Variants in KMT2D observed in about 807,000 individuals in gnomAD.
The protein encoded by KMT2D is lysine methyltransferase 2D, also known as histone-lysine N-methyltransferase 2D.
A neutral mutation model predicts 512.7 loss-of-function variants in KMT2D; 55 were observed. That is an observed-to-expected ratio of 0.11 (90% CI 0.09 to 0.13). KMT2D has a LOEUF of 0.13. Among genes scored for constraint, KMT2D ranks in the 10% least tolerant of loss-of-function variants. KMT2D has a pLI of 1.00. For synonymous variants in KMT2D, 2,995 were observed against 2,904.0 expected (o/e 1.03, Z -1.01); for missense variants, 6,061 against 7,127.9 (o/e 0.85, Z 5.39).
Position 49,039,068 on chromosome 12 carries a change from G to C in KMT2D, c.8367-79C>G, listed in dbSNP as rs1943362597. 1.3e-6 allele frequency: 2 copies of C among 1,519,968 alleles called. No individual in the cohort carries two copies. Among genetic ancestry groups the C allele is most frequent in the East Asian group, 4.6e-5 (2 of 43,048 alleles). 94.2% of individuals were successfully genotyped at this position (1,519,968 alleles called of 1,614,324 possible). ...ACATGGGCTTAGGGCAGTGAGGAAG[G>C]ATAGAATTAATGCAGTGAGGGAGAA... On this transcript the variant is annotated intron_variant, in intron 34 of 54. Coordinates refer to ENST00000301067, the MANE Select transcript of KMT2D (RefSeq NM_003482.4). The surrounding 1 kb of genome is among the most constrained non-coding windows in gnomAD (Gnocchi z 5.0).
In KMT2D at chr12:49,041,133, C is replaced by G. The variant is rs1943502957; in HGVS notation, c.6637G>C (p.Gly2213Arg). Residue 2213 changes from glycine (G) to arginine (R), a missense_variant, in exon 32 of 55, where the codon GGC becomes CGC. Physicochemically the swap from Gly to Arg is moderately radical, Grantham distance 125 (BLOSUM62 -2). This residue lies in a region of KMT2D where 710 missense variants were observed against 647.3 expected (regional missense o/e 1.10). Transcript: ENST00000301067. This position sits in a 1 kb window ranked among gnomAD's most constrained non-coding sequence, Gnocchi z 5.4. ...TGAPAQPPML[G>R]ASSRPGAGQP... ...CCAGCCCCAGGACGAGATGAGGCGC[C>G]CAGCATCGGGGGCTGCGCAGGGGCC... 6.5e-7 allele frequency: 1 copy of G among 1,527,014 alleles called. No individual in the cohort carries two copies. The highest frequency in any genetic ancestry group is 8.8e-7 in the Non-Finnish European group (1 of 1,141,202). 94.6% of individuals were successfully genotyped at this position (1,527,014 alleles called of 1,614,324 possible). A position where few individuals can be genotyped will look rare whatever the true frequency, so the allele number is the denominator to read the frequency against.
rs1317036103 is a variant in KMT2D, at chr12:49,044,502, A to C, written c.4984T>G (p.Cys1662Gly). The C allele has an allele frequency of 6.2e-7, 1 of 1,613,532 alleles. No individual in the cohort carries two copies. The highest frequency in any genetic ancestry group is 2.2e-5 in the East Asian group (1 of 44,856). Residue 1662 changes from cysteine (C) to glycine (G), a missense_variant, in exon 21 of 55, where the codon TGC (cysteine) becomes GGC (glycine). Coordinates refer to ENST00000301067, the MANE Select transcript of KMT2D (RefSeq NM_003482.4). The surrounding 1 kb of genome is among the most constrained non-coding windows in gnomAD (Gnocchi z 6.4). ...ACGGGGCCCTCCAGTTTAATTTCGC[A>C]CTCCATGTGCTCCACACCACCTGCG... is the stretch of plus-strand genomic sequence containing the variant. ...KGEGGVEHME[C>G]EIKLEGPVSP...
In KMT2D at chr12:49,052,674, T is replaced by G; in HGVS notation, c.1148A>C (p.Asp383Ala). 1 of 1,613,708 alleles carries G rather than the reference T, an allele frequency of 6.2e-7. No homozygotes were observed. The highest frequency in any genetic ancestry group is 8.5e-7 in the Non-Finnish European group (1 of 1,179,732). Residue 383 changes from aspartate to alanine, a missense_variant, in exon 10 of 55, where the codon GAC (aspartate) becomes GCC (alanine). Physicochemically the swap from Asp to Ala is moderately radical, Grantham distance 126. This residue lies in a region of KMT2D where 848 missense variants were observed against 838.5 expected (regional missense o/e 1.01). Coordinates refer to ENST00000301067, the MANE Select transcript of KMT2D (RefSeq NM_003482.4). ...SPPEPGDTPTDEPDALYVACQ... is the reference protein window; with the variant it reads ...SPPEPGDTPTAEPDALYVACQ... Reference sequence around the variant, plus strand: ...TGCAACGTACAGAGCATCGGGCTCGTCAGTGGGGGTATCGCCAGGCTCTGG... The same window carrying G: ...TGCAACGTACAGAGCATCGGGCTCGGCAGTGGGGGTATCGCCAGGCTCTGG...
Position 49,032,671 on chromosome 12 carries a change from G to A in KMT2D, c.12034C>T (p.Pro4012Ser). The change falls in exon 40 of 55, where the codon CCT (proline) becomes TCT (serine). Residue 4012 changes from proline (P) to serine (S), a missense_variant. Pro to Ser is a moderately conservative substitution (Grantham distance 74). This residue lies in a region of KMT2D where 1,600 missense variants were observed against 1,754.9 expected (regional missense o/e 0.91). Coordinates refer to ENST00000301067, the MANE Select transcript of KMT2D (RefSeq NM_003482.4). ...PAKPLQHFSS[P>S]GALGPTLLLT... ...AGGAGGGTTGGACCCAGGGCTCCAGGGCTAGAAAAGTGTTGAAGAGGCTTT... is the reference window on the plus strand; with the variant it reads ...AGGAGGGTTGGACCCAGGGCTCCAGAGCTAGAAAAGTGTTGAAGAGGCTTT... 1 of 1,613,876 alleles carries A rather than the reference G, an allele frequency of 6.2e-7. No individual in the cohort carries two copies. The highest frequency in any genetic ancestry group is 8.5e-7 in the Non-Finnish European group (1 of 1,179,856).
At position 49,041,207 on chromosome 12, in the gene KMT2D, C is replaced by T. The variant is rs541122919; in HGVS notation, c.6563G>A (p.Arg2188His). 4.8e-5 allele frequency: 73 copies of T among 1,512,002 alleles called. No homozygotes were observed. Among genetic ancestry groups the T allele is most frequent in the Middle Eastern group, 1.8e-4 (1 of 5,576 alleles). The allele number at this position is 1,512,002 out of a possible 1,614,324, so 93.7% of individuals were successfully genotyped here. A position where few individuals can be genotyped will look rare whatever the true frequency, so the allele number is the denominator to read the frequency against. Residue 2188 changes from arginine to histidine, a missense_variant, in exon 32 of 55, where the codon CGC becomes CAC. Physicochemically the swap from Arg to His is conservative, Grantham distance 29 (BLOSUM62 0). Transcript: ENST00000301067. The surrounding 1 kb of genome is among the most constrained non-coding windows in gnomAD (Gnocchi z 5.4). ...ATAGGTGGGCGGTGCCGTGGGGAAG[C>T]GGGGCTCCAGGGGATAGGCAGGGGC... ...GLAPAYPLEP[R>H]FPTAPPTYPP...
chr12:49,036,682 T>C (rs1038540253), intron 35 of KMT2D, among the ~76,000 whole-genome samples: 13 of 152,004 alleles, frequency 8.6e-5, no homozygotes, highest in Non-Finnish European at 1.6e-4. Context: ...GTATGTTTAG[T>C]AGAGATGGGG....
At position 49,027,072 on chromosome 12, in the gene KMT2D, G is replaced by A. The variant is rs747276260; in HGVS notation, c.14894C>T (p.Ala4965Val). The A allele has an allele frequency of 6.2e-7, 1 of 1,613,540 alleles. No homozygotes were observed. The highest frequency in any genetic ancestry group is 1.1e-5 in the South Asian group (1 of 91,080). Residue 4965 changes from alanine (A) to valine (V), a missense_variant, in exon 49 of 55, where the codon GCC becomes GTC. By Grantham distance (64) the Ala-to-Val change is moderately conservative (BLOSUM62 0). Coordinates refer to ENST00000301067, the MANE Select transcript of KMT2D (RefSeq NM_003482.4). The stretch of plus-strand genomic sequence containing the variant: ...ATCTTCACCTTCTTCAGGGGGCCGG[G>A]CACGGGGCTTGGGTCGGGCTGATTC... ...SPESARPKPR[A>V]RPPEEGEDSR...
chr12:49,026,501 G>A lies in KMT2D; in HGVS notation c.15465C>T (p.Val5155=), dbSNP rs1412025759. The change falls in exon 49 of 55, where the codon GTC becomes GTT. Residue 5155 remains valine (V), a synonymous_variant. Coordinates refer to ENST00000301067, the MANE Select transcript of KMT2D (RefSeq NM_003482.4). The surrounding 1 kb of genome is among the most constrained non-coding windows in gnomAD (Gnocchi z 9.6). ...GCTTCACCTCGTCCCGCTCAATGTA[G>A]ACCCGCCGGAAGACAGCAAAAGAGC... ...ELSSFAVFRR[V]YIERDEVKQI... The A allele has an allele frequency of 6.2e-7, 1 of 1,613,794 alleles. No individual in the cohort carries two copies. Among genetic ancestry groups the A allele is most frequent in the Non-Finnish European group, 8.5e-7 (1 of 1,179,908 alleles).
In KMT2D at chr12:49,032,978, T is replaced by C. The variant is rs1372460714; in HGVS notation, c.11727A>G (p.Gln3909=). The part of the protein sequence containing the change: ...QLQQQQQLQQ[Q]QQLQQQQQQQ... ...GCTGCTGCTGCTGCTGAAGTTGCTG[T>C]TGCTGTTGCAGCTGCTGCTGCTGCT... Residue 3909 remains glutamine, a synonymous_variant, in exon 40 of 55, where the codon CAA becomes CAG. Transcript: ENST00000301067. The C allele has an allele frequency of 7.1e-6, 11 of 1,550,506 alleles. No homozygotes were observed. Among genetic ancestry groups the C allele is most frequent in the African/African-American group, 2.7e-5 (2 of 72,850 alleles).
At position 49,052,721 on chromosome 12, in the gene KMT2D, A is replaced by G; in HGVS notation, c.1113-12T>C. The G allele has an allele frequency of 6.2e-7, 1 of 1,611,904 alleles. No homozygotes were observed. Among genetic ancestry groups the G allele is most frequent in the Non-Finnish European group, 8.5e-7 (1 of 1,178,282 alleles). ...CTGGGGGTGAAAATCTGCAGAGGGTACAGGGGAGCAGGCACTGTGGCTCTC... is the reference window on the plus strand; with the variant it reads ...CTGGGGGTGAAAATCTGCAGAGGGTGCAGGGGAGCAGGCACTGTGGCTCTC... On this transcript the variant is annotated splice_polypyrimidine_tract_variant and intron_variant, in intron 9 of 54. Coordinates refer to ENST00000301067, the MANE Select transcript of KMT2D (RefSeq NM_003482.4).
At position 49,024,742 on chromosome 12, in the gene KMT2D, G is replaced by C; in HGVS notation, c.15922-34C>G. 6.2e-7 allele frequency: 1 copy of C among 1,609,286 alleles called. No homozygotes were observed. Among genetic ancestry groups the C allele is most frequent in the Non-Finnish European group, 8.5e-7 (1 of 1,176,376 alleles). ...ACAGTTCATACTCACCTTAGCCTGA[G>C]TTTTTTTGGGGTTAGGCCAAAGTTC... is the stretch of plus-strand genomic sequence containing the variant. On this transcript the variant is annotated intron_variant, in intron 50 of 54. Transcript: ENST00000301067. This position sits in a 1 kb window ranked among gnomAD's most constrained non-coding sequence, Gnocchi z 4.5.
At position 49,037,310 on chromosome 12, in the gene KMT2D, A is replaced by G; in HGVS notation, c.10046T>C (p.Met3349Thr). 1 of 1,613,270 alleles carries G rather than the reference A, an allele frequency of 6.2e-7. No individual in the cohort carries two copies. Among genetic ancestry groups the G allele is most frequent in the East Asian group, 2.2e-5 (1 of 44,884 alleles). The change falls in exon 35 of 55, where the codon ATG becomes ACG. Residue 3349 changes from methionine (M) to threonine (T), a missense_variant. Coordinates refer to ENST00000301067, the MANE Select transcript of KMT2D (RefSeq NM_003482.4). ...LQQRLAPSMA[M>T]VSNQGHMLSG... ...TAGCATATGCCCTTGATTGGACACCATAGCCATGGATGGAGCCAGGCGTTG... is the reference window on the plus strand; with the variant it reads ...TAGCATATGCCCTTGATTGGACACCGTAGCCATGGATGGAGCCAGGCGTTG...
rs755442424 is a variant in KMT2D at position 49,052,569 on chromosome 12, G to C, written c.1253C>G (p.Pro418Arg). The change falls in exon 10 of 55, where the codon CCA (proline) becomes CGA (arginine). Residue 418 changes from proline to arginine, a missense_variant. By Grantham distance (103) the Pro-to-Arg change is moderately radical. Transcript: ENST00000301067. ...GACCCTCAAACCCTACTCACCTAGT[G>C]GTTTGGCTTCACATTGCAGGGGCCC... ...EPGPLQCEAK[P>R]LGKAGVQLEP... 1 of 1,613,184 alleles carries C rather than the reference G, an allele frequency of 6.2e-7. No homozygotes were observed. Among genetic ancestry groups the C allele is most frequent in the South Asian group, 1.1e-5 (1 of 90,964 alleles).
Position 49,046,502 on chromosome 12 carries a change from GC to G in KMT2D, c.4419-79del. On this transcript the variant is annotated intron_variant, in intron 16 of 54. Coordinates refer to ENST00000301067, the MANE Select transcript of KMT2D (RefSeq NM_003482.4). This position sits in a 1 kb window ranked among gnomAD's most constrained non-coding sequence, Gnocchi z 4.2. ...AGAAGTCCCCTCACCGGAAACCCAA[GC>G]CACCAGCCTGGCCTCCTAAACCCAG... 4 of 1,585,258 alleles carry G rather than the reference GC, an allele frequency of 2.5e-6. No homozygotes were observed. In the South Asian group the frequency reaches 4.6e-5, roughly 18 times the overall value.
In KMT2D at chr12:49,039,388, G is replaced by A. The variant is rs2120510887; in HGVS notation, c.8230-30C>T. 1 of 1,607,540 alleles carries A rather than the reference G, an allele frequency of 6.2e-7. No homozygotes were observed. The highest frequency in any genetic ancestry group is 8.5e-7 in the Non-Finnish European group (1 of 1,176,350). On this transcript the variant is annotated intron_variant, in intron 33 of 54. Coordinates refer to ENST00000301067, the MANE Select transcript of KMT2D (RefSeq NM_003482.4). The surrounding 1 kb of genome is among the most constrained non-coding windows in gnomAD (Gnocchi z 5.0). ...AAGAGACAAGGTAGATGAAGGTGGA[G>A]CAACCTTCAATATCCTGGCCCCACT... is the stretch of plus-strand genomic sequence containing the variant.
rs775632051 is a variant in KMT2D, at chr12:49,034,167, C to T, written c.10640G>A (p.Arg3547His). The change falls in exon 39 of 55, where the codon CGC becomes CAC. Residue 3547 changes from arginine to histidine, a missense_variant. Physicochemically the swap from Arg to His is conservative, Grantham distance 29 (BLOSUM62 0). This residue lies in a region of KMT2D where 50 missense variants were observed against 119.9 expected (regional missense o/e 0.42). Transcript: ENST00000301067. ...CTCACGGCCAGCTTTTTTGGCAGTG[C>T]GCTGCTTGGCACACAGAGCCTTCCG... is the stretch of plus-strand genomic sequence containing the variant. ...KSRKALCAKQ[R>H]TAKKAGREFP... 1.9e-6 allele frequency: 3 copies of T among 1,613,310 alleles called. No homozygotes were observed. The highest frequency in any genetic ancestry group is 2.5e-6 in the Non-Finnish European group (3 of 1,179,866).
Position 49,050,954 on chromosome 12 carries a change from G to C in KMT2D, c.2729C>G (p.Pro910Arg). ...LSEPGEPPLSPLPEELPLSPS... is the reference protein window; with the variant it reads ...LSEPGEPPLSRLPEELPLSPS... ...GGACAACGGCAGCTCCTCGGGCAGAGGGGACAGAGGTGGTTCCCCAGGCTC... is the reference window on the plus strand; with the variant it reads ...GGACAACGGCAGCTCCTCGGGCAGACGGGACAGAGGTGGTTCCCCAGGCTC... Residue 910 changes from proline (P) to arginine (R), a missense_variant, in exon 11 of 55, where the codon CCT (proline) becomes CGT (arginine). By Grantham distance (103) the Pro-to-Arg change is moderately radical (BLOSUM62 -2). Coordinates refer to ENST00000301067, the MANE Select transcript of KMT2D (RefSeq NM_003482.4). 2 of 1,547,754 alleles carry C rather than the reference G, an allele frequency of 1.3e-6. No individual in the cohort carries two copies. The highest frequency in any genetic ancestry group is 2.8e-5 in the African/African-American group (2 of 72,672).
chr12:49,026,759 C>G lies in KMT2D; in HGVS notation c.15207G>C (p.Val5069=), dbSNP rs1358837094. ...HLNCALWSTE[V]YETQGGALMN... is the part of the protein sequence containing the mutation. ...TCAGTGCCCCGCCCTGGGTCTCATA[C>G]ACCTCCGTGGACCAAAGGGCACAGT... Residue 5069 remains valine, a synonymous_variant, in exon 49 of 55, where the codon GTG becomes GTC. Transcript: ENST00000301067. This position sits in a 1 kb window ranked among gnomAD's most constrained non-coding sequence, Gnocchi z 9.6. 2.5e-6 allele frequency: 4 copies of G among 1,613,460 alleles called. No homozygotes were observed. In the Admixed American group the frequency reaches 6.7e-5, roughly 27 times the overall value.
chr12:49,054,333 T>C lies in KMT2D; in HGVS notation c.484A>G (p.Lys162Glu). ...TGTGAGATCCCTGAGAAGATGGCCT[T>C]GTCCACACCACATAGTTCTGGGCCC... ...QEGPELCGVD[K>E]AIFSGISQRC... The change falls in exon 5 of 55, where the codon AAG becomes GAG. Residue 162 changes from lysine to glutamate, a missense_variant. Transcript: ENST00000301067. This position sits in a 1 kb window ranked among gnomAD's most constrained non-coding sequence, Gnocchi z 6.4. 2 of 1,596,402 alleles carry C rather than the reference T, an allele frequency of 1.3e-6. No homozygotes were observed. The highest frequency in any genetic ancestry group is 2.3e-5 in the South Asian group (2 of 87,942).
Sources: allele counts gnomAD v4.1 joint callset (sites outside exome capture counted in the v4.1 genomes callset), GRCh38; gene constraint gnomAD v4.1.1; regional missense constraint gnomAD v4.1.1; non-coding constraint Gnocchi (gnomAD v3.1); transcripts MANE v1.5; gene names NCBI Gene and HGNC (gene_info 2026-07-23, HGNC 2026-07-21).